HDHD2: variants seen among roughly 807,000 people sequenced by gnomAD.
HDHD2 encodes haloacid dehalogenase like hydrolase domain containing 2, also known as haloacid dehalogenase-like hydrolase domain-containing protein 2.
Under a neutral mutation model 24.8 loss-of-function variants are expected in HDHD2, and 26 were observed. The observed-to-expected ratio is 1.05, with a 90% CI of 0.77 to 1.45. The LOEUF (loss-of-function observed/expected upper bound fraction) is 1.45, where lower values mean the gene tolerates loss of function less well. Ranked by LOEUF, HDHD2 falls within the 40% of genes most tolerant of loss-of-function variation. The pLI is 0.00. For missense variants in HDHD2, 299 were observed against 313.4 expected, an observed-to-expected ratio of 0.95 and a Z score of 0.35; for synonymous variants, 128 against 114.9, an observed-to-expected ratio of 1.11 and a Z score of -0.73.
chr18:47,125,083 G>A (rs2063645075), intron 4 of HDHD2, among the ~76,000 whole-genome samples: 1 of 152,094 alleles, frequency 6.6e-6, no homozygotes, highest in South Asian at 2.1e-4. Context: ...GACCTCTTGA[G>A]TCCAGGAGTT....
intron 4 of HDHD2, among the ~76,000 whole-genome samples, chr18:47,124,759 T>C (rs905536248): frequency 8.7e-6 from 1 of 114,772 alleles, no homozygotes; most frequent in African/African-American, 3.2e-5. Flanking sequence ...GAAAAAGACA[T>C]CCCAATCAGA....
chr18:47,122,077 A>C (rs970053483), intron 4 of HDHD2, among the ~76,000 whole-genome samples: 1 of 152,118 alleles, frequency 6.6e-6, no homozygotes, highest in Non-Finnish European at 1.5e-5. Flanking sequence ...AACAGTCTCC[A>C]TAATGCCCAT....
intron 3 of HDHD2, among the ~76,000 whole-genome samples, chr18:47,130,878 T>C (rs934494376): frequency 3.3e-5 from 5 of 152,238 alleles, no homozygotes; most frequent in Non-Finnish European, 2.9e-5. Context: ...TCAGAAATAT[T>C]ATTTTAAAAT....
intron 4 of HDHD2, among the ~76,000 whole-genome samples, chr18:47,122,141 T>C (rs1168998983): frequency 6.6e-6 from 1 of 152,160 alleles, no homozygotes; most frequent in Non-Finnish European, 1.5e-5. Flanking sequence ...CCTGGTACCT[T>C]TTGCTAAATG....
At chr18:47,149,443 G>C (rs1375477604) in intron 1 of HDHD2, among the ~76,000 whole-genome samples, 1 of 152,068 alleles carries the variant, frequency 6.6e-6, no homozygotes, top group Non-Finnish European at 1.5e-5. Context: ...CCACTCCCCA[G>C]TTAAAACTCT....
chr18:47,112,053 G>A (rs1342342068), intron 6 of HDHD2, among the ~76,000 whole-genome samples: 2 of 152,216 alleles, frequency 1.3e-5, no homozygotes, highest in Non-Finnish European at 2.9e-5. Context: ...TGGCTGTCAT[G>A]TGCTGTTAAT....
intron 1 of HDHD2, among the ~76,000 whole-genome samples, chr18:47,141,495 A>G (rs535622736): frequency 6.6e-6 from 1 of 152,216 alleles, no homozygotes; most frequent in African/African-American, 2.4e-5. Flanking sequence ...TCCACCTTCT[A>G]AAAACAGGAG....
intron 4 of HDHD2, among the ~76,000 whole-genome samples, chr18:47,124,706 C>CAAA (rs34350751): frequency 0.034 from 1,435 of 42,430 alleles, 81 homozygotes; most frequent in Non-Finnish European, 0.04. Context: ...AACTCTGACT[C>CAAA]AAAAAAAAAA....
intron 6 of HDHD2, chr18:47,111,328 C>A: frequency 5.1e-6 from 5 of 978,568 alleles, no homozygotes; most frequent in Non-Finnish European, 6.0e-6. Context: ...GACAGAGGTA[C>A]CATTTTGAAG....
At chr18:47,119,159 G>A (rs377526772) in intron 4 of HDHD2, among the ~76,000 whole-genome samples, 10 of 152,170 alleles carry the variant, frequency 6.6e-5, no homozygotes, top group African/African-American at 2.4e-4. Context: ...GGCTGCTGAC[G>A]GATCAGGGTG....
chr18:47,149,206 C>T (rs1166873128), intron 1 of HDHD2: 1 of 152,126 alleles, frequency 6.6e-6, no homozygotes, highest in Non-Finnish European at 1.5e-5. Flanking sequence ...ATTAGTATAA[C>T]TTGAGGATTT....
At position 47,108,576 on chromosome 18, in the gene HDHD2, G is replaced by C; in HGVS notation, c.*106C>G. On this transcript the variant is annotated 3_prime_UTR_variant, in exon 7 of 7. Transcript: ENST00000300605. ...GCACAACAAAAGAGGGTTAAAAAGC[G>C]ATCAGCACTGACTGGTGTCTACCGA... The C allele has an allele frequency of 3.3e-6, 2 of 608,078 alleles. No homozygotes were observed. Among genetic ancestry groups the C allele is most frequent in the East Asian group, 3.0e-5 (1 of 33,680 alleles). The allele number at this position is 608,078 out of a possible 1,614,324, so 37.7% of individuals were successfully genotyped here. A position where few individuals can be genotyped will look rare whatever the true frequency, so the allele number is the denominator to read the frequency against.
chr18:47,132,630 T>C (rs11082563), intron 3 of HDHD2, among the ~76,000 whole-genome samples: 12,160 of 152,238 alleles, frequency 0.08, 564 homozygotes, highest in East Asian at 0.13. Flanking sequence ...GATTGATACA[T>C]TGGCATATTT....
rs11390608 is a variant in HDHD2, at chr18:47,147,990, CT to C, written c.-11+2387del. 6.0e-3 allele frequency among the ~76,000 whole-genome samples: 829 copies of C among 137,904 alleles called. 3 individuals carry two copies. Among genetic ancestry groups the C allele is most frequent in the Non-Finnish European group, 8.8e-3 (564 of 63,790 alleles). 90.5% of individuals were successfully genotyped at this position (137,904 alleles called of 152,430 possible). ...TTGTCCAAAACTTTGTTTTTTCTTTCTTTTTTTTTTTTTTTGGAGACAAGGT... is the reference window on the plus strand; with the variant it reads ...TTGTCCAAAACTTTGTTTTTTCTTTCTTTTTTTTTTTTTTGGAGACAAGGT... On this transcript the variant is annotated intron_variant, in intron 1 of 6. Transcript: ENST00000300605.
intron 6 of HDHD2, 23 bp downstream of exon 6, chr18:47,112,954 T>C (rs1203862365): frequency 5.0e-6 from 8 of 1,597,644 alleles, no homozygotes; most frequent in Non-Finnish European, 6.9e-6. Context: ...TTTTAGAAAA[T>C]GCTTTATACA....
intron 2 of HDHD2, among the ~76,000 whole-genome samples, chr18:47,135,720 ATT>A (rs201270464): frequency 4.6e-5 from 7 of 151,492 alleles, no homozygotes; most frequent in Non-Finnish European, 8.8e-5. Context: ...TGATTAGTTG[ATT>A]TTTTTTTCAG....
At chr18:47,117,714 A>G (rs1191666440) in intron 4 of HDHD2, among the ~76,000 whole-genome samples, 1 of 152,196 alleles carries the variant, frequency 6.6e-6, no homozygotes, top group Non-Finnish European at 1.5e-5. Context: ...ACAGTGGCTC[A>G]TGCCTGTAAT....
At chr18:47,136,503 A>G in intron 1 of HDHD2, 54 bp from the exon 2 acceptor site, 1 of 1,432,368 alleles carries the variant, frequency 7.0e-7, no homozygotes, top group Non-Finnish European at 9.7e-7. Context: ...ATGGACAATT[A>G]AAAACTGGTA....
At position 47,109,905 on chromosome 18, in the gene HDHD2, A is replaced by C. The variant is rs117984840; in HGVS notation, c.677-1120T>G. ...ATGTCCCAATGTATTCCAAGTACCT[A>C]ACATAGTGACTAGCACATAGTAACT... On this transcript the variant is annotated intron_variant, in intron 6 of 6. Coordinates refer to ENST00000300605, the MANE Select transcript of HDHD2 (RefSeq NM_032124.5). 2.5e-5 allele frequency: 22 copies of C among 873,098 alleles called. No individual in the cohort carries two copies. In the East Asian group the frequency reaches 2.4e-3, roughly 96 times the overall value. The allele number at this position is 873,098 out of a possible 1,614,324, so 54.1% of individuals were successfully genotyped here. A position where few individuals can be genotyped will look rare whatever the true frequency, so the allele number is the denominator to read the frequency against.
Sources: allele counts gnomAD v4.1 joint callset (sites outside exome capture counted in the v4.1 genomes callset), GRCh38; gene constraint gnomAD v4.1.1; transcripts MANE v1.5; gene names NCBI Gene and HGNC (gene_info 2026-07-23, HGNC 2026-07-21).